DNAH3: variants seen among roughly 807,000 people sequenced by gnomAD.
DNAH3 encodes axonemal beta dynein heavy chain 3.
Under a neutral mutation model 432.5 loss-of-function variants are expected in DNAH3, and 332 were observed. That is an observed-to-expected ratio of 0.77 (90% CI 0.70 to 0.84). The LOEUF is 0.84. Ranked by LOEUF, DNAH3 falls within the 40% of genes least tolerant of loss-of-function variation. The pLI is 0.00. For synonymous variants in DNAH3, 1,956 were observed against 1,900.2 expected (o/e 1.03, Z -0.76); for missense variants, 4,861 against 5,114.0 (o/e 0.95, Z 1.51).
chr16:21,157,336 C>CTTTTTTT (rs34449371), intron 1 of DNAH3, among the ~76,000 whole-genome samples: 3 of 111,878 alleles, frequency 2.7e-5, no homozygotes, highest in Non-Finnish European at 5.3e-5. Flanking sequence ...GTGATTGCTT[C>CTTTTTTT]TTTTTTTTTT....
exon 37 of DNAH3, chr16:21,031,162 A>G (rs2088850757): frequency 6.2e-7 from 1 of 1,614,170 alleles, no homozygotes; most frequent in Non-Finnish European, 8.5e-7. Flanking sequence ...CCCGGAAAGC[A>G]TTGGCAAGGA....
intron 41 of DNAH3, among the ~76,000 whole-genome samples, chr16:21,008,220 A>C (rs767176396): frequency 6.6e-6 from 1 of 151,670 alleles, no homozygotes; most frequent in Non-Finnish European, 1.5e-5. Flanking sequence ...TCTCTCTCTG[A>C]TGTGTGCATG....
At chr16:21,030,322 A>T (rs1029500965) in intron 37 of DNAH3, among the ~76,000 whole-genome samples, 1 of 152,216 alleles carries the variant, frequency 6.6e-6, no homozygotes, top group Non-Finnish European at 1.5e-5. Context: ...CCACATAGGA[A>T]GCGCCACTAC....
intron 43 of DNAH3, among the ~76,000 whole-genome samples, chr16:20,999,084 G>A (rs554745062): frequency 1.3e-5 from 2 of 152,206 alleles, no homozygotes; most frequent in Non-Finnish European, 2.9e-5. Context: ...CAAGACCCCC[G>A]TCTCTACAAA....
At chr16:20,986,444 CTGCAGTG>C (rs1006020969) in intron 47 of DNAH3, among the ~76,000 whole-genome samples, 3 of 152,034 alleles carry the variant, frequency 2.0e-5, no homozygotes, top group Admixed American at 6.6e-5. Flanking sequence ...GAGCTTGAGG[CTGCAGTG>C]TGCTATGATC....
intron 20 of DNAH3, among the ~76,000 whole-genome samples, chr16:21,079,429 G>A (rs2091098147): frequency 6.6e-6 from 1 of 152,098 alleles, no homozygotes; most frequent in Non-Finnish European, 1.5e-5. Context: ...TTCGAGACCA[G>A]CCTGACCAAC....
Position 21,140,429 on chromosome 16 carries a change from T to C in DNAH3, c.696+107A>G, listed in dbSNP as rs929173147. 10 of 1,264,490 alleles carry C rather than the reference T, an allele frequency of 7.9e-6. No individual in the cohort carries two copies. In the African/African-American group the frequency reaches 1.0e-4, roughly 13 times the overall value. 78.3% of individuals were successfully genotyped at this position (1,264,490 alleles called of 1,614,324 possible). A position where few individuals can be genotyped will look rare whatever the true frequency, so the allele number is the denominator to read the frequency against. ...GTCTTGGGTCTAGACTTTGGTGTTT[T>C]TCAAACATTTCCCAGGTGATTCTGC... On this transcript the variant is annotated intron_variant, in intron 5 of 61. Transcript: ENST00000261383.
chr16:21,126,334 A>G (rs1313704431), intron 8 of DNAH3, among the ~76,000 whole-genome samples: 1 of 152,194 alleles, frequency 6.6e-6, no homozygotes, highest in Non-Finnish European at 1.5e-5. Flanking sequence ...CCAGAGAAGC[A>G]CTACTACTGG....
intron 18 of DNAH3, among the ~76,000 whole-genome samples, chr16:21,093,960 A>G (rs2091608002): frequency 6.6e-6 from 1 of 152,210 alleles, no homozygotes; most frequent in Admixed American, 6.6e-5. Context: ...CAAAAAATCT[A>G]GAAGAAAATA....
In DNAH3 at chr16:21,027,070, C is replaced by T. The variant is rs375085631; in HGVS notation, c.5497G>A (p.Glu1833Lys). The T allele has an allele frequency of 8.3e-5, 134 of 1,613,566 alleles. 1 individual carries two copies. Among genetic ancestry groups the T allele is most frequent in the Non-Finnish European group, 1.0e-4 (120 of 1,179,890 alleles). ...GAGGCTTGCTCGAGGTCGGCGGGCTCGAAGATCAGGCTCATCTTGGAGTTC... is the reference window on the plus strand; with the variant it reads ...GAGGCTTGCTCGAGGTCGGCGGGCTTGAAGATCAGGCTCATCTTGGAGTTC... Residue 1833 changes from glutamate (E) to lysine (K), a missense_variant, in exon 38 of 62, where the codon GAG becomes AAG. Glu to Lys is a moderately conservative substitution (Grantham distance 56). Transcript: ENST00000261383.
intron 8 of DNAH3, 123 bp downstream of exon 9, chr16:21,127,560 CAAAA>C: frequency 1.1e-6 from 1 of 951,610 alleles, no homozygotes; most frequent in East Asian, 3.0e-5. Context: ...GACTCTGTCT[CAAAA>C]AAAAAAAAGA....
At chr16:21,159,454 G>A (rs1404723949), upstream of DNAH3, 4 of 1,611,856 alleles carry the variant, frequency 2.5e-6, no homozygotes, top group South Asian at 1.1e-5. Flanking sequence ...CCCAACCAGA[G>A]ATGTGACCCC....
At chr16:21,156,996 A>AAC (rs34199213) in intron 1 of DNAH3, among the ~76,000 whole-genome samples, 12,784 of 147,482 alleles carry the variant, frequency 0.087, 590 homozygotes, top group East Asian at 0.16. Context: ...AATCTAAGGA[A>AAC]ACACACACAC....
intron 12 of DNAH3, among the ~76,000 whole-genome samples, chr16:21,115,730 TAAAATAAAATAAAATA>T (rs2092179639): frequency 6.9e-6 from 1 of 144,240 alleles, no homozygotes; most frequent in East Asian, 2.0e-4. Flanking sequence ...ATAAATAAAA[TAAAATAAAATAAAATA>T]AAAATAAAAT....
intron 8 of DNAH3, among the ~76,000 whole-genome samples, chr16:21,126,014 G>GGCATGGT (rs1331876238): frequency 6.6e-6 from 1 of 152,006 alleles, no homozygotes; most frequent in African/African-American, 2.4e-5. Flanking sequence ...AAATTAGCTG[G>GGCATGGT]GCATGGTGCA....
At chr16:21,062,837 C>T (rs2090410464) in intron 24 of DNAH3, 154 bp from the exon 25 acceptor site, 10 of 627,066 alleles carry the variant, frequency 1.6e-5, no homozygotes, top group Non-Finnish European at 2.8e-5. Flanking sequence ...CACTTTTCAT[C>T]TGGGGCATGG....
intron 55 of DNAH3, 116 bp from the exon 56 acceptor site, chr16:20,952,665 G>A (rs1308010141): frequency 2.9e-6 from 2 of 697,096 alleles, no homozygotes; most frequent in South Asian, 1.6e-5. Flanking sequence ...TCAGGCTCAT[G>A]AATATCAAGC....
chr16:21,023,475 G>A (rs532593998), intron 39 of DNAH3, among the ~76,000 whole-genome samples: 1 of 152,246 alleles, frequency 6.6e-6, no homozygotes, highest in East Asian at 1.9e-4. Context: ...TGGAGGAGGA[G>A]ATTTTTATGT....
intron 14 of DNAH3, among the ~76,000 whole-genome samples, chr16:21,110,827 C>T (rs777689710): frequency 3.4e-4 from 52 of 151,706 alleles, no homozygotes; most frequent in Non-Finnish European, 6.8e-4. Context: ...GCTATGATCG[C>T]GCCACTACTG....
Sources: gnomAD v4.1 joint callset for allele counts (sites outside exome capture counted in the v4.1 genomes callset) on GRCh38, gnomAD v4.1.1 for gene constraint, MANE v1.5 for transcripts, NCBI Gene and HGNC (gene_info 2026-07-23, HGNC 2026-07-21) for gene names.